ADCY7: variants seen among roughly 807,000 people sequenced by gnomAD.
ADCY7 encodes adenylate cyclase 7.
In ADCY7, 72 loss-of-function variants were observed where a neutral mutation model predicts 120.6. The ratio of observed to expected loss-of-function variants is 0.60; its 90% CI spans 0.49 to 0.73. The LOEUF is 0.73. Among genes scored for constraint, ADCY7 ranks in the 30% least tolerant of loss-of-function variants. The pLI, the probability that ADCY7 is intolerant of heterozygous loss-of-function variation, is 0.00. For synonymous variants in ADCY7, 661 were observed against 628.0 expected (o/e 1.05, Z -0.78); for missense variants, 1,227 against 1,486.0 (o/e 0.83, Z 2.87).
intron 1 of ADCY7, among the ~76,000 whole-genome samples, chr16:50,253,098 C>T (rs937681796): frequency 6.6e-6 from 1 of 152,080 alleles, no homozygotes; most frequent in Non-Finnish European, 1.5e-5. Context: ...CAGGAGGTGC[C>T]CTGCACGATT....
chr16:50,262,260 CTT>C (rs397977712), upstream of ADCY7, among the ~76,000 whole-genome samples: 41 of 142,038 alleles, frequency 2.9e-4, no homozygotes, highest in Non-Finnish European at 3.1e-4. Context: ...CCTCAGATCT[CTT>C]TTTTTTTTTT....
intron 23 of ADCY7, 86 bp from the exon 24 acceptor site, chr16:50,314,206 G>GA: frequency 2.1e-6 from 3 of 1,442,448 alleles, no homozygotes; most frequent in Non-Finnish European, 1.9e-6. Flanking sequence ...TAGTGGTGGG[G>GA]ATCCTCAACA....
chr16:50,314,635 T>C (rs1409145337), intron 24 of ADCY7: 2 of 525,024 alleles, frequency 3.8e-6, no homozygotes, highest in East Asian at 3.1e-5. Context: ...AGAACCAAAA[T>C]TATTGTCTGT....
intron 7 of ADCY7, among the ~76,000 whole-genome samples, chr16:50,298,063 TCCTATGAGTCCCCAC>T (rs1357981485): frequency 6.6e-6 from 1 of 151,562 alleles, no homozygotes; most frequent in African/African-American, 2.4e-5. Context: ...CTGGGCCTTT[TCCTATGAGTCCCCAC>T]CCTCGCCGCT....
rs1182667224 is a variant in ADCY7 at position 50,314,058 on chromosome 16, A to G, written c.2852A>G (p.Asn951Ser). The G allele has an allele frequency of 6.2e-7, 1 of 1,613,648 alleles. No individual in the cohort carries two copies. Among genetic ancestry groups the G allele is most frequent in the African/African-American group, 1.3e-5 (1 of 74,926 alleles). ...CTCAGCGTCGCCTCAGGGCACGAGA[A>G]CCAGGTACTCAAGCCCAAGAGGTGA... is the stretch of plus-strand genomic sequence containing the variant. ...AGLSVASGHE[N>S]QELERQHAHI... The change falls in exon 23 of 26, where the codon AAC becomes AGC. Residue 951 changes from asparagine to serine, a missense_variant. Asn to Ser is a conservative substitution (Grantham distance 46, BLOSUM62 1). Transcript: ENST00000673801.
chr16:50,278,206 G>A (rs923956398), intron 1 of ADCY7, among the ~76,000 whole-genome samples: 5 of 151,892 alleles, frequency 3.3e-5, no homozygotes, highest in African/African-American at 9.7e-5. Context: ...CACCTGGCTA[G>A]TTTTTGTATT....
At position 50,277,892 on chromosome 16, in the gene ADCY7, G is replaced by T. The variant is rs532167977; in HGVS notation, c.-268-10020G>T. Among the ~76,000 whole-genome samples, 334 of 151,912 alleles carry T rather than the reference G, an allele frequency of 2.2e-3. 3 individuals carry two copies. Among genetic ancestry groups the T allele is most frequent in the African/African-American group, 7.5e-3 (310 of 41,408 alleles). ...TCACCGTGTTAGCCAGGATGGTCTC[G>T]ATCTCCTGACCTCATGATCCGCCCA... On this transcript the variant is annotated intron_variant, in intron 1 of 25. Coordinates refer to ENST00000673801, the MANE Select transcript of ADCY7 (RefSeq NM_001114.5).
chr16:50,278,908 G>C (rs1294174342), intron 1 of ADCY7, among the ~76,000 whole-genome samples: 3 of 138,730 alleles, frequency 2.2e-5, no homozygotes, highest in Non-Finnish European at 4.5e-5. Flanking sequence ...GCCTCACTCT[G>C]TTGCCCAGGC....
At chr16:50,282,910 T>TG (rs1367904407) in intron 1 of ADCY7, among the ~76,000 whole-genome samples, 1 of 152,002 alleles carries the variant, frequency 6.6e-6, no homozygotes, top group Non-Finnish European at 1.5e-5. Context: ...TTTATAGCGA[T>TG]GGGGTCTCAT....
At chr16:50,286,974 C>G (rs946859393) in intron 1 of ADCY7, among the ~76,000 whole-genome samples, 2 of 151,396 alleles carry the variant, frequency 1.3e-5, no homozygotes, top group Admixed American at 6.6e-5. Context: ...CTCTGTTTAT[C>G]TGTGCTGTCC....
Position 50,288,216 on chromosome 16 carries a change from G to T in ADCY7, c.37G>T (p.Glu13Ter). 6.4e-7 allele frequency: 1 copy of T among 1,551,364 alleles called. No homozygotes were observed. The highest frequency in any genetic ancestry group is 1.2e-5 in the South Asian group (1 of 84,016). The change falls in exon 2 of 26, where the codon GAG (glutamate) becomes TAG (stop). Residue 13 changes from glutamate to a stop codon, truncating the protein, a stop_gained. Transcript: ENST00000673801. LOFTEE classifies it high-confidence loss of function. The stretch of plus-strand genomic sequence containing the variant: ...GGGGCGCTACTTCCTCAACGAGGGC[G>T]AGGAGGGCCCTGACCAAGATGCGCT... Reference protein sequence around the residue: ...AKGRYFLNEGEEGPDQDALYE... With the variant: ...AKGRYFLNEG
chr16:50,294,391 G>C (rs1036852761), intron 6 of ADCY7, among the ~76,000 whole-genome samples: 1 of 152,174 alleles, frequency 6.6e-6, no homozygotes, highest in Non-Finnish European at 1.5e-5. Flanking sequence ...ATAGGGCCTG[G>C]GGTGGGGCCG....
chr16:50,287,038 A>T lies in ADCY7; in HGVS notation c.-268-874A>T, dbSNP rs1182016727. Among the ~76,000 whole-genome samples, 11 of 145,348 alleles carry T rather than the reference A, an allele frequency of 7.6e-5. No individual in the cohort carries two copies. In the East Asian group the frequency reaches 2.0e-3, roughly 26 times the overall value. On this transcript the variant is annotated intron_variant, in intron 1 of 25. Transcript: ENST00000673801. ...TATTTGATTTTTTTTTTTTTTTGAG[A>T]TGGAGTCTCACTCTGTTGCCCAGGC...
At chr16:50,261,935 G>T (rs930818626), upstream of ADCY7, among the ~76,000 whole-genome samples, 1 of 152,174 alleles carries the variant, frequency 6.6e-6, no homozygotes, top group East Asian at 1.9e-4. Flanking sequence ...GGTGGTTTTT[G>T]TTCTCATATC....
chr16:50,312,798 GT>G, intron 21 of ADCY7, 91 bp from the exon 22 acceptor site: 1 of 1,331,262 alleles, frequency 7.5e-7, no homozygotes. Flanking sequence ...GGGCTGGGCA[GT>G]TCAGCAGTGC....
At chr16:50,247,939 C>T (rs1324131106) in intron 1 of ADCY7, among the ~76,000 whole-genome samples, 2 of 152,132 alleles carry the variant, frequency 1.3e-5, no homozygotes, top group African/African-American at 2.4e-5. Flanking sequence ...GCTGCTGAGC[C>T]CTCCCAGGGA....
chr16:50,246,362 G>T (rs1358333053), intron 1 of ADCY7, among the ~76,000 whole-genome samples: 1 of 151,980 alleles, frequency 6.6e-6, no homozygotes, highest in Admixed American at 6.6e-5. Context: ...GTGCCCGGCG[G>T]TGGCGGCTCC....
intron 7 of ADCY7, 47 bp downstream of exon 7, chr16:50,294,798 C>T: frequency 7.4e-7 from 1 of 1,358,626 alleles, no homozygotes; most frequent in Non-Finnish European, 1.0e-6. Flanking sequence ...CCTCCCCTGC[C>T]TATTACACCC....
chr16:50,310,638 G>A, intron 18 of ADCY7, 49 bp from the exon 19 acceptor site: 1 of 1,606,412 alleles, frequency 6.2e-7, no homozygotes, highest in Non-Finnish European at 8.5e-7. Flanking sequence ...CTGGAGGCGA[G>A]AGTACGTGGT....
Sources: gnomAD v4.1 joint callset for allele counts (sites outside exome capture counted in the v4.1 genomes callset) on GRCh38, gnomAD v4.1.1 for gene constraint, MANE v1.5 for transcripts, NCBI Gene and HGNC (gene_info 2026-07-23, HGNC 2026-07-21) for gene names.